EPHX1: variants seen among roughly 807,000 people sequenced by gnomAD.
EPHX1 encodes epoxide hydratase.
In EPHX1, 40 loss-of-function variants were observed where a neutral mutation model predicts 43.2. That is an observed-to-expected ratio of 0.93 (90% CI 0.72 to 1.21). The LOEUF (loss-of-function observed/expected upper bound fraction) is 1.21. EPHX1 is among the 50% of genes most tolerant of loss of function. EPHX1 has a pLI of 0.00. For missense variants in EPHX1, 550 were observed against 570.4 expected, an observed-to-expected ratio of 0.96 and a Z score of 0.36; for synonymous variants, 221 against 226.7, an observed-to-expected ratio of 0.98 and a Z score of 0.22.
chr1:225,825,983 C>T (rs867042497), intron 1 of EPHX1, among the ~76,000 whole-genome samples: 7 of 152,224 alleles, frequency 4.6e-5, no homozygotes, highest in African/African-American at 1.2e-4. Context: ...AGAGACATAA[C>T]GTCTTTCTGG....
Position 225,833,687 on chromosome 1 carries a change from C to G in EPHX1, c.364+1728C>G, listed in dbSNP as rs190868671. On this transcript the variant is annotated intron_variant, in intron 3 of 8. Transcript: ENST00000272167. ...GCGGGTGCCTGTAGTCCCAGCTACT[C>G]GGGAGGATGAGGCAGGAGAATGGCG... Among the ~76,000 whole-genome samples the G allele has an allele frequency of 8.6e-4, 128 of 148,476 alleles. 2 individuals are homozygous for G. In the East Asian group the frequency reaches 0.023, roughly 27 times the overall value.
intron 3 of EPHX1, chr1:225,832,244 G>C: frequency 2.4e-6 from 1 of 425,450 alleles, no homozygotes; most frequent in Non-Finnish European, 4.4e-6. Context: ...GGATGGAGAT[G>C]AGATTTAGAC....
At chr1:225,819,972 G>A (rs1053493311) in intron 1 of EPHX1, among the ~76,000 whole-genome samples, 4 of 152,176 alleles carry the variant, frequency 2.6e-5, no homozygotes, top group Admixed American at 2.6e-4. Context: ...TGGCGTATTT[G>A]CCGCAGCCAC....
In EPHX1 at chr1:225,845,444, C is replaced by T. The variant is rs191971826; in HGVS notation, c.*97C>T. On this transcript the variant is annotated 3_prime_UTR_variant, in exon 9 of 9. Coordinates refer to ENST00000272167, the MANE Select transcript of EPHX1 (RefSeq NM_001136018.4). ...CTTTTCTGAGGAATGAGTTTGCCTC[C>T]GTCCCCTGCCCATGCTGGGAGCCCA... is the stretch of plus-strand genomic sequence containing the variant. 1.4e-3 allele frequency: 1,805 copies of T among 1,322,650 alleles called. 3 individuals carry two copies. The highest frequency in any genetic ancestry group is 1.8e-3 in the Non-Finnish European group (1,687 of 963,864). The allele number at this position is 1,322,650 out of a possible 1,614,324, so 81.9% of individuals were successfully genotyped here.
At position 225,814,882 on chromosome 1, in the gene EPHX1, G is replaced by A. The variant is rs193004764; in HGVS notation, c.-6+4713G>A. Reference sequence around the variant, plus strand: ...TTGGCTAATTTCGGAGAGACTTTAGGAAAGTAAGAGAAATACATTGGTCCC... The same window carrying A: ...TTGGCTAATTTCGGAGAGACTTTAGAAAAGTAAGAGAAATACATTGGTCCC... On this transcript the variant is annotated intron_variant, in intron 1 of 8. Transcript: ENST00000272167. Among the ~76,000 whole-genome samples, 277 of 152,346 alleles carry A rather than the reference G, an allele frequency of 1.8e-3. 1 individual carries two copies. The highest frequency in any genetic ancestry group is 3.1e-3 in the Non-Finnish European group (212 of 68,032).
rs566971222 is a variant in EPHX1, at chr1:225,829,761, A to G, written c.183+849A>G. ...GTGAATGAGAAAAGGAATGTGCACA[A>G]AGAAAAGTAGACTAAAAGATAAATA... On this transcript the variant is annotated intron_variant, in intron 2 of 8. Coordinates refer to ENST00000272167, the MANE Select transcript of EPHX1 (RefSeq NM_001136018.4). 1.1e-4 allele frequency among the ~76,000 whole-genome samples: 16 copies of G among 152,292 alleles called. No individual in the cohort carries two copies. The East Asian group carries it at 2.9e-3, about 28-fold the overall frequency.
intron 1 of EPHX1, among the ~76,000 whole-genome samples, chr1:225,828,247 G>A (rs1399832805): frequency 1.3e-5 from 2 of 152,030 alleles, no homozygotes; most frequent in Non-Finnish European, 2.9e-5. Context: ...GGGAGGCTGA[G>A]GCAGGAGAAT....
chr1:225,834,097 C>CAAAA (rs377164975), intron 3 of EPHX1, among the ~76,000 whole-genome samples: 1 of 56,932 alleles, frequency 1.8e-5, no homozygotes, highest in Non-Finnish European at 3.0e-5. Flanking sequence ...GACTCTGTCT[C>CAAAA]AAAAAAAAAA....
At chr1:225,824,090 G>A (rs960273531) in intron 1 of EPHX1, among the ~76,000 whole-genome samples, 1 of 152,188 alleles carries the variant, frequency 6.6e-6, no homozygotes, top group Non-Finnish European at 1.5e-5. Flanking sequence ...GGCAGGGTTA[G>A]GCAGATAGAG....
At chr1:225,843,377 G>A (rs1373306217) in intron 7 of EPHX1, among the ~76,000 whole-genome samples, 1 of 152,184 alleles carries the variant, frequency 6.6e-6, no homozygotes, top group African/African-American at 2.4e-5. Flanking sequence ...TTGTCCAGAG[G>A]CTGAAGCAGG....
intron 1 of EPHX1, among the ~76,000 whole-genome samples, chr1:225,825,184 C>A (rs1667171504): frequency 1.3e-5 from 2 of 152,186 alleles, no homozygotes; most frequent in Admixed American, 1.3e-4. Context: ...GAGCACTGAT[C>A]ATTTCAGCCC....
intron 1 of EPHX1, among the ~76,000 whole-genome samples, chr1:225,812,097 G>T (rs1180664288): frequency 6.6e-6 from 1 of 152,106 alleles, no homozygotes. Flanking sequence ...CAAAGGCTGG[G>T]GGCAGGAGTG....
intron 3 of EPHX1, among the ~76,000 whole-genome samples, chr1:225,837,083 G>A (rs1054438359): frequency 1.2e-4 from 18 of 151,956 alleles, no homozygotes; most frequent in Admixed American, 1.2e-3. Context: ...GAGGTATATG[G>A]GAGTTTTCTG....
rs528349262 is a variant in EPHX1, at chr1:225,830,239, A to C, written c.183+1327A>C. Among the ~76,000 whole-genome samples the C allele has an allele frequency of 3.7e-4, 57 of 152,300 alleles. No homozygotes were observed. In the South Asian group the frequency reaches 8.5e-3, roughly 23 times the overall value. The stretch of plus-strand genomic sequence containing the variant: ...AGGACTTGCTTGCTGCAGCCTTGCT[A>C]TTTAGGGCCAAGGCTGAGCCCTAAG... On this transcript the variant is annotated intron_variant, in intron 2 of 8. Coordinates refer to ENST00000272167, the MANE Select transcript of EPHX1 (RefSeq NM_001136018.4).
intron 2 of EPHX1, 118 bp downstream of exon 2, chr1:225,829,030 C>A: frequency 8.2e-7 from 1 of 1,223,202 alleles, no homozygotes; most frequent in Non-Finnish European, 1.2e-6. Flanking sequence ...GTCCATCCTA[C>A]TTGGGAGTGT....
At chr1:225,843,634 G>GC (rs1485391676) in intron 7 of EPHX1, among the ~76,000 whole-genome samples, 1 of 152,196 alleles carries the variant, frequency 6.6e-6, no homozygotes, top group Non-Finnish European at 1.5e-5. Context: ...TGCAGCTCTG[G>GC]CCCCGGGTTA....
chr1:225,823,001 G>C (rs562370757), intron 1 of EPHX1, among the ~76,000 whole-genome samples: 1 of 152,218 alleles, frequency 6.6e-6, no homozygotes, highest in South Asian at 2.1e-4. Context: ...GATGCTCCAC[G>C]GTAATTAGGG....
intron 1 of EPHX1, among the ~76,000 whole-genome samples, chr1:225,819,769 TG>T (rs2102690806): frequency 6.6e-6 from 1 of 152,340 alleles, no homozygotes; most frequent in Non-Finnish European, 1.5e-5. Flanking sequence ...AGGTACTGTC[TG>T]GGCCCCAGGT....
chr1:225,833,084 C>T (rs1035511788), intron 3 of EPHX1, among the ~76,000 whole-genome samples: 4 of 152,220 alleles, frequency 2.6e-5, no homozygotes, highest in African/African-American at 9.7e-5. Context: ...CCTCGAACTC[C>T]TGGGCTCAAG....
Sources: gnomAD v4.1 joint callset for allele counts (sites outside exome capture counted in the v4.1 genomes callset) on GRCh38, gnomAD v4.1.1 for gene constraint, MANE v1.5 for transcripts, NCBI Gene and HGNC (gene_info 2026-07-23, HGNC 2026-07-21) for gene names.